The following CHN1 variants were observed in gnomAD, a reference collection of about 807,000 sequenced individuals.
The protein encoded by CHN1 is N-chimaerin.
In CHN1, 37 loss-of-function variants were observed where a neutral mutation model predicts 59.5. The ratio of observed to expected loss-of-function variants is 0.62; its 90% CI spans 0.48 to 0.82. The LOEUF is 0.82. Among genes scored for constraint, CHN1 ranks in the 40% least tolerant of loss-of-function variants. The pLI is 0.00. For missense variants in CHN1, 469 were observed against 571.0 expected (o/e 0.82, Z 1.82); for synonymous variants, 206 against 200.4 (o/e 1.03, Z -0.24).
chr2:174,861,481 G>A (rs72918994), intron 6 of CHN1, among the ~76,000 whole-genome samples: 7,835 of 152,256 alleles, frequency 0.051, 273 homozygotes, highest in Non-Finnish European at 0.073. Flanking sequence ...ACTCATAGAC[G>A]AGTGCCTGTC....
chr2:174,852,676 A>G (rs1467955853), intron 6 of CHN1, among the ~76,000 whole-genome samples: 1 of 152,204 alleles, frequency 6.6e-6, no homozygotes, highest in Non-Finnish European at 1.5e-5. Flanking sequence ...CCTGACTTCA[A>G]ACTAAGTTAT....
rs1684629643 is a variant in CHN1 at position 174,798,957 on chromosome 2, G to C, written c.*1159C>G. Reference sequence around the variant, plus strand: ...GTGGCCAGTGGTAGTACCAGGCCCAGAATCTGGGCTCCTGGCCCCTAGCTG... The same window carrying C: ...GTGGCCAGTGGTAGTACCAGGCCCACAATCTGGGCTCCTGGCCCCTAGCTG... On this transcript the variant is annotated 3_prime_UTR_variant, in exon 13 of 13. Coordinates refer to ENST00000409900, the MANE Select transcript of CHN1 (RefSeq NM_001822.7). Among the ~76,000 whole-genome samples, 1 of 152,242 alleles carries C rather than the reference G, an allele frequency of 6.6e-6. No homozygotes were observed. The highest frequency in any genetic ancestry group is 6.5e-5 in the Admixed American group (1 of 15,280).
intron 5 of CHN1, among the ~76,000 whole-genome samples, chr2:174,878,637 T>C (rs527842694): frequency 1.2e-4 from 19 of 152,320 alleles, no homozygotes; most frequent in African/African-American, 4.6e-4. Context: ...TAGAGCTGAC[T>C]CCAGAAACCT....
At chr2:174,928,700 TA>T (rs1689245989) in intron 3 of CHN1, among the ~76,000 whole-genome samples, 1 of 152,194 alleles carries the variant, frequency 6.6e-6, no homozygotes, top group African/African-American at 2.4e-5. Flanking sequence ...TTACAGAGTT[TA>T]AAATAGGCCA....
At chr2:174,961,807 A>G (rs2105426644) in intron 1 of CHN1, among the ~76,000 whole-genome samples, 2 of 152,292 alleles carry the variant, frequency 1.3e-5, no homozygotes. Context: ...TAGCTTCTAG[A>G]AGATTCAATT....
At chr2:174,831,194 AAAAT>A (rs1685867736) in intron 7 of CHN1, among the ~76,000 whole-genome samples, 1 of 152,254 alleles carries the variant, frequency 6.6e-6, no homozygotes, top group Non-Finnish European at 1.5e-5. Flanking sequence ...ATGTGCAGAA[AAAAT>A]AAATTATTCT....
intron 7 of CHN1, among the ~76,000 whole-genome samples, chr2:174,838,813 A>G (rs7581915): frequency 0.53 from 80,829 of 151,644 alleles, 22,430 homozygotes; most frequent in African/African-American, 0.66. Flanking sequence ...TCAGGAGTTC[A>G]AGACCAGCCT....
intron 4 of CHN1, 84 bp downstream of exon 4, chr2:174,918,450 T>C (rs1688913033): frequency 9.9e-7 from 1 of 1,012,680 alleles, no homozygotes; most frequent in Admixed American, 3.6e-5. Flanking sequence ...ATACTTCATC[T>C]TGCTTTCATT....
chr2:174,833,973 C>G (rs1163357971), intron 7 of CHN1, among the ~76,000 whole-genome samples: 1 of 151,996 alleles, frequency 6.6e-6, no homozygotes, highest in Non-Finnish European at 1.5e-5. Context: ...GTCTCTTTCT[C>G]TTTTCTTTTC....
intron 3 of CHN1, among the ~76,000 whole-genome samples, chr2:174,920,382 C>T (rs1275985573): frequency 6.6e-6 from 1 of 152,112 alleles, no homozygotes; most frequent in African/African-American, 2.4e-5. Context: ...AGTGGAGAAA[C>T]TGAGCGTCGG....
chr2:174,925,271 G>C (rs1457094732), intron 3 of CHN1, among the ~76,000 whole-genome samples: 1 of 152,164 alleles, frequency 6.6e-6, no homozygotes, highest in Non-Finnish European at 1.5e-5. Flanking sequence ...CATTGAAATA[G>C]AGATTATAAG....
intron 5 of CHN1, among the ~76,000 whole-genome samples, chr2:174,897,963 TTC>T (rs1266954374): frequency 6.6e-6 from 1 of 152,146 alleles, no homozygotes; most frequent in Admixed American, 6.5e-5. Flanking sequence ...CAATATCCAT[TTC>T]TCTCTTTTTC....
intron 6 of CHN1, among the ~76,000 whole-genome samples, chr2:174,856,873 G>C (rs1173076734): frequency 6.6e-6 from 1 of 152,128 alleles, no homozygotes; most frequent in Admixed American, 6.6e-5. Context: ...TGTATCAAGT[G>C]GGTCTTCAGA....
chr2:174,895,474 G>A (rs1382733560), intron 5 of CHN1, among the ~76,000 whole-genome samples: 1 of 151,978 alleles, frequency 6.6e-6, no homozygotes, highest in Non-Finnish European at 1.5e-5. Flanking sequence ...AGTCACACAA[G>A]AGGAAAAAGT....
At chr2:174,848,151 T>G (rs1686601928) in intron 6 of CHN1, among the ~76,000 whole-genome samples, 1 of 152,210 alleles carries the variant, frequency 6.6e-6, no homozygotes, top group Non-Finnish European at 1.5e-5. Flanking sequence ...CTTTGTATTA[T>G]GAGTAGTTTT....
In CHN1 at chr2:174,987,914, T is replaced by C. The variant is rs1216419253; in HGVS notation, c.19+16980A>G. On this transcript the variant is annotated intron_variant, in intron 1 of 12. Transcript: ENST00000409900. ...ACAGTCAGTTTTACCTTATCCAGGA[T>C]GAGGGAGAGGGAGATGTGAGTTTTA... is the stretch of plus-strand genomic sequence containing the variant. 3.3e-5 allele frequency among the ~76,000 whole-genome samples: 5 copies of C among 152,076 alleles called. No individual in the cohort carries two copies. The East Asian group carries it at 9.6e-4, about 29-fold the overall frequency.
chr2:174,879,607 T>C (rs757803917), intron 5 of CHN1, among the ~76,000 whole-genome samples: 2 of 152,232 alleles, frequency 1.3e-5, no homozygotes, highest in African/African-American at 2.4e-5. Flanking sequence ...ATAAAAGTTT[T>C]TCAGTTTAAT....
At position 174,846,954 on chromosome 2, in the gene CHN1, T is replaced by A. The variant is rs1686538931; in HGVS notation, c.553A>T (p.Thr185Ser). 1 of 1,553,872 alleles carries A rather than the reference T, an allele frequency of 6.4e-7. No homozygotes were observed. Among genetic ancestry groups the A allele is most frequent in the Non-Finnish European group, 8.7e-7 (1 of 1,147,822 alleles). Residue 185 changes from threonine to serine, a missense_variant, in exon 7 of 13, where the codon ACA becomes TCA. Coordinates refer to ENST00000409900, the MANE Select transcript of CHN1 (RefSeq NM_001822.7). ...AGAGTTGCTCTTCTAACAAGTGATG[T>A]CAACTGCGAATAAGCAAAGAGTTTC... ...GQDGVSEKRL[T>S]SLVRRATLKE... is the part of the protein sequence containing the mutation.
intron 3 of CHN1, among the ~76,000 whole-genome samples, chr2:174,927,316 C>T (rs2105383348): frequency 6.6e-6 from 1 of 152,282 alleles, no homozygotes; most frequent in Middle Eastern, 3.4e-3. Context: ...CCTTGGCCTC[C>T]CAAAGCGTTA....
Sources: allele counts gnomAD v4.1 joint callset (sites outside exome capture counted in the v4.1 genomes callset), GRCh38; gene constraint gnomAD v4.1.1; transcripts MANE v1.5; gene names NCBI Gene and HGNC (gene_info 2026-07-23, HGNC 2026-07-21).